The following NAALADL2 variants were observed in gnomAD, a reference collection of about 807,000 sequenced individuals.
The protein encoded by NAALADL2 is inactive N-acetylated-alpha-linked acidic dipeptidase-like protein 2.
In NAALADL2, 76 loss-of-function variants were observed where a neutral mutation model predicts 87.2. The observed-to-expected ratio is 0.87, with a 90% CI of 0.72 to 1.05. The LOEUF (loss-of-function observed/expected upper bound fraction) is 1.05, where lower values mean the gene tolerates loss of function less well. NAALADL2 is among the 50% of genes least tolerant of loss of function. The probability of loss-of-function intolerance (pLI) is 0.00; values close to 1 mark genes in which losing one functional copy is unlikely to be tolerated. For missense variants in NAALADL2, 1,089 were observed against 945.8 expected (o/e 1.15, Z -1.99); for synonymous variants, 354 against 331.0 (o/e 1.07, Z -0.75).
intron 5 of NAALADL2, among the ~76,000 whole-genome samples, chr3:175,411,244 T>C (rs1017916289): frequency 2.6e-5 from 4 of 152,112 alleles, no homozygotes; most frequent in Non-Finnish European, 5.9e-5. Flanking sequence ...CAAAAATAGG[T>C]GAATTGAAAG....
intron 9 of NAALADL2, among the ~76,000 whole-genome samples, chr3:175,573,778 C>T (rs1466454563): frequency 6.6e-6 from 1 of 152,094 alleles, no homozygotes; most frequent in African/African-American, 2.4e-5. Flanking sequence ...AGGATTACCC[C>T]CACTTTCGAA....
chr3:175,628,209 G>A (rs751368112), intron 11 of NAALADL2, among the ~76,000 whole-genome samples: 3 of 151,636 alleles, frequency 2.0e-5, no homozygotes, highest in Non-Finnish European at 4.4e-5. Context: ...AATTACATGA[G>A]ACATTCAAGA....
At chr3:174,810,761 C>G (rs761756235) in intron 3 of NAALADL2, among the ~76,000 whole-genome samples, 4 of 152,060 alleles carry the variant, frequency 2.6e-5, no homozygotes, top group Admixed American at 6.6e-5. Context: ...ATTTCTATTA[C>G]TAAAAGGAAA....
chr3:174,994,987 C>G (rs1747235430), intron 1 of NAALADL2, among the ~76,000 whole-genome samples: 1 of 152,006 alleles, frequency 6.6e-6, no homozygotes. Context: ...ATGGAAAGAT[C>G]ATTGTGAATG....
chr3:175,551,087 C>CGTGT (rs60306944), intron 9 of NAALADL2, among the ~76,000 whole-genome samples: 8,854 of 149,366 alleles, frequency 0.059, 601 homozygotes, highest in African/African-American at 0.17. Context: ...TGTGTCTCTG[C>CGTGT]GTGTGTGTGT....
chr3:174,972,769 G>A (rs1743859500), intron 1 of NAALADL2, among the ~76,000 whole-genome samples: 1 of 152,070 alleles, frequency 6.6e-6, no homozygotes, highest in Non-Finnish European at 1.5e-5. Context: ...GCCGAGGTGG[G>A]CGGGTCACCT....
chr3:174,939,664 T>C (rs537061703), intron 1 of NAALADL2, among the ~76,000 whole-genome samples: 1 of 152,206 alleles, frequency 6.6e-6, no homozygotes, highest in East Asian at 1.9e-4. Flanking sequence ...TTTATTTGTT[T>C]GTCTTCTCTA....
At chr3:174,668,723 C>T (rs939326404) in intron 2 of NAALADL2, among the ~76,000 whole-genome samples, 9 of 152,202 alleles carry the variant, frequency 5.9e-5, no homozygotes, top group African/African-American at 2.2e-4. Context: ...TTTCCAGCTT[C>T]ATCCATGTCC....
At chr3:174,981,797 G>T (rs76559738) in intron 1 of NAALADL2, among the ~76,000 whole-genome samples, 13 of 151,954 alleles carry the variant, frequency 8.6e-5, no homozygotes, top group Admixed American at 5.2e-4. Flanking sequence ...CCTACCTTTT[G>T]TTTCTTTCCA....
At chr3:174,723,819 G>GTT (rs1251651313) in intron 2 of NAALADL2, among the ~76,000 whole-genome samples, 1 of 149,744 alleles carries the variant, frequency 6.7e-6, no homozygotes, top group African/African-American at 2.5e-5. Context: ...TATACTGGAG[G>GTT]TTTTTAGGAT....
intron 11 of NAALADL2, among the ~76,000 whole-genome samples, chr3:175,734,431 C>A (rs1367705088): frequency 3.9e-5 from 6 of 151,994 alleles, no homozygotes. Flanking sequence ...GTGGTGGGCG[C>A]CTGTAGTCCC....
At chr3:174,799,981 G>T (rs1288278521) in intron 3 of NAALADL2, among the ~76,000 whole-genome samples, 11 of 150,542 alleles carry the variant, frequency 7.3e-5, no homozygotes, top group Admixed American at 6.6e-4. Context: ...TTGAACTTCA[G>T]AGAGATGATA....
At chr3:174,769,301 T>G (rs1210751688) in intron 3 of NAALADL2, among the ~76,000 whole-genome samples, 1 of 152,060 alleles carries the variant, frequency 6.6e-6, no homozygotes, top group Non-Finnish European at 1.5e-5. Context: ...TATAGTTTTT[T>G]TTCTGTTTTT....
chr3:175,012,865 T>C (rs887347821), intron 1 of NAALADL2, among the ~76,000 whole-genome samples: 1 of 151,192 alleles, frequency 6.6e-6, no homozygotes, highest in African/African-American at 2.4e-5. Context: ...TTAAACATAT[T>C]TGTATAATCT....
Position 175,591,177 on chromosome 3 carries a change from A to G in NAALADL2, c.1800+14990A>G, listed in dbSNP as rs367923878. 4.4e-4 allele frequency among the ~76,000 whole-genome samples: 67 copies of G among 152,272 alleles called. 1 individual carries two copies. The East Asian group carries it at 0.012, about 26-fold the overall frequency. ...GGAAGTGGAAGGTATAGAGTCCTGAATATAAATGCTATTTATGATATCTCT... is the reference window on the plus strand; with the variant it reads ...GGAAGTGGAAGGTATAGAGTCCTGAGTATAAATGCTATTTATGATATCTCT... On this transcript the variant is annotated intron_variant, in intron 10 of 13. Coordinates refer to ENST00000454872, the MANE Select transcript of NAALADL2 (RefSeq NM_207015.3).
At chr3:175,019,375 T>G (rs1751274502) in intron 1 of NAALADL2, among the ~76,000 whole-genome samples, 1 of 152,098 alleles carries the variant, frequency 6.6e-6, no homozygotes, top group South Asian at 2.1e-4. Context: ...GTTTTAATTA[T>G]TTTTATTGTC....
chr3:175,244,477 C>A (rs900078073), intron 3 of NAALADL2, among the ~76,000 whole-genome samples: 1 of 152,014 alleles, frequency 6.6e-6, no homozygotes, highest in East Asian at 1.9e-4. Context: ...AGCAACCAAC[C>A]GAGATACTGT....
At chr3:174,686,029 A>G (rs376537583) in intron 2 of NAALADL2, among the ~76,000 whole-genome samples, 2 of 152,022 alleles carry the variant, frequency 1.3e-5, no homozygotes, top group East Asian at 1.9e-4. Context: ...ATAGTATTCC[A>G]TGGAGTATAT....
intron 3 of NAALADL2, among the ~76,000 whole-genome samples, chr3:174,790,667 G>A (rs983749560): frequency 2.6e-5 from 4 of 151,236 alleles, no homozygotes; most frequent in South Asian, 2.1e-4. Context: ...AAAAATGTGC[G>A]TAAGTAAGAA....
Sources: gnomAD v4.1 joint callset for allele counts (sites outside exome capture counted in the v4.1 genomes callset) on GRCh38, gnomAD v4.1.1 for gene constraint, MANE v1.5 for transcripts, NCBI Gene and HGNC (gene_info 2026-07-23, HGNC 2026-07-21) for gene names.